PIP4K2A: variants seen among roughly 807,000 people sequenced by gnomAD.
PIP4K2A encodes the protein phosphatidylinositol 5-phosphate 4-kinase type-2 alpha.
Under a neutral mutation model 42.9 loss-of-function variants are expected in PIP4K2A, and 14 were observed. The ratio of observed to expected loss-of-function variants is 0.33; its 90% CI spans 0.22 to 0.51. The LOEUF (loss-of-function observed/expected upper bound fraction) is 0.51. PIP4K2A is among the 20% of genes least tolerant of loss of function. PIP4K2A has a pLI of 0.97. For synonymous variants in PIP4K2A, 192 were observed against 192.2 expected, an observed-to-expected ratio of 1.00 and a Z score of 0.01; for missense variants, 434 against 519.8, an observed-to-expected ratio of 0.83 and a Z score of 1.61.
intron 9 of PIP4K2A, chr10:22,539,694 G>T: frequency 2.8e-6 from 1 of 361,030 alleles, no homozygotes; most frequent in Non-Finnish European, 5.0e-6. Context: ...AAGTGACTTC[G>T]CTGGAAGCCA....
chr10:22,679,529 T>C (rs1321637732), intron 1 of PIP4K2A, among the ~76,000 whole-genome samples: 2 of 152,192 alleles, frequency 1.3e-5, no homozygotes, highest in Non-Finnish European at 2.9e-5. Flanking sequence ...AGAGGTACCA[T>C]ATAACCCAAC....
chr10:22,711,783 A>G (rs930516277), intron 1 of PIP4K2A, among the ~76,000 whole-genome samples: 1 of 152,232 alleles, frequency 6.6e-6, no homozygotes, highest in African/African-American at 2.4e-5. Flanking sequence ...CATTTATCTA[A>G]TATCAGACAT....
chr10:22,575,648 C>G (rs986136038), intron 4 of PIP4K2A, among the ~76,000 whole-genome samples: 3 of 152,122 alleles, frequency 2.0e-5, no homozygotes, highest in African/African-American at 7.2e-5. Flanking sequence ...CAGATCAAAT[C>G]TGTCTACTTT....
chr10:22,544,523 C>A (rs1251118653), intron 7 of PIP4K2A, among the ~76,000 whole-genome samples: 6 of 152,192 alleles, frequency 3.9e-5, no homozygotes, highest in Non-Finnish European at 8.8e-5. Flanking sequence ...TGGAGCCAGG[C>A]CAGGCCCTGC....
rs181165963 is a variant in PIP4K2A at position 22,594,284 on chromosome 10, C to T, written c.340-2503G>A. Among the ~76,000 whole-genome samples, 264 of 152,254 alleles carry T rather than the reference C, an allele frequency of 1.7e-3. 1 individual carries two copies. Among genetic ancestry groups the T allele is most frequent in the Non-Finnish European group, 3.1e-3 (211 of 68,028 alleles). ...CATTATATTCTCTACACCTCTAGTTCGATTAAAATGGGAAACTTTATAGTT... is the reference window on the plus strand; with the variant it reads ...CATTATATTCTCTACACCTCTAGTTTGATTAAAATGGGAAACTTTATAGTT... On this transcript the variant is annotated intron_variant, in intron 3 of 9. Transcript: ENST00000376573.
At chr10:22,662,840 A>G (rs976053239) in intron 1 of PIP4K2A, among the ~76,000 whole-genome samples, 1 of 152,240 alleles carries the variant, frequency 6.6e-6, no homozygotes, top group African/African-American at 2.4e-5. Flanking sequence ...AAAATCTGAT[A>G]ATGTAGCCAA....
At chr10:22,581,664 ACTTCC>A (rs1231144330) in intron 4 of PIP4K2A, among the ~76,000 whole-genome samples, 1 of 151,012 alleles carries the variant, frequency 6.6e-6, no homozygotes, top group African/African-American at 2.4e-5. Context: ...TGCTCTTGTC[ACTTCC>A]CTTCATTACT....
chr10:22,602,254 A>G (rs371495013), intron 3 of PIP4K2A, among the ~76,000 whole-genome samples: 1 of 151,822 alleles, frequency 6.6e-6, no homozygotes, highest in East Asian at 1.9e-4. Flanking sequence ...TTAGCTGGGC[A>G]TAGTGGCACA....
intron 1 of PIP4K2A, among the ~76,000 whole-genome samples, chr10:22,625,442 A>G (rs1304539447): frequency 6.6e-6 from 1 of 152,238 alleles, no homozygotes; most frequent in Non-Finnish European, 1.5e-5. Flanking sequence ...TAATGTATAC[A>G]TCACAATACA....
rs144733624 is a variant in PIP4K2A at position 22,706,479 on chromosome 10, A to T, written c.144+7704T>A. Reference sequence around the variant, plus strand: ...CTTCTCCCAAACTGCCTCATGTCTAAGCCCTTCACCGACGTCATGCCTTTG... The same window carrying T: ...CTTCTCCCAAACTGCCTCATGTCTATGCCCTTCACCGACGTCATGCCTTTG... On this transcript the variant is annotated intron_variant, in intron 1 of 9. Transcript: ENST00000376573. 3.3e-5 allele frequency among the ~76,000 whole-genome samples: 5 copies of T among 152,340 alleles called. No homozygotes were observed. In the East Asian group the frequency reaches 9.6e-4, roughly 29 times the overall value.
At chr10:22,638,666 G>A (rs1218935416) in intron 1 of PIP4K2A, among the ~76,000 whole-genome samples, 1 of 152,028 alleles carries the variant, frequency 6.6e-6, no homozygotes, top group Non-Finnish European at 1.5e-5. Context: ...TTTGAAGGGG[G>A]AGGGAAAAAA....
intron 1 of PIP4K2A, among the ~76,000 whole-genome samples, chr10:22,696,418 G>A (rs1006314699): frequency 2.0e-5 from 3 of 152,122 alleles, no homozygotes; most frequent in Non-Finnish European, 4.4e-5. Flanking sequence ...AAATTGAAAT[G>A]AATCCTTAAA....
At chr10:22,582,108 G>GA (rs56798349) in intron 4 of PIP4K2A, among the ~76,000 whole-genome samples, 8,401 of 139,906 alleles carry the variant, frequency 0.06, 771 homozygotes, top group African/African-American at 0.2. Flanking sequence ...TCTCAAAAAA[G>GA]AAAAAAAAAA....
At chr10:22,646,919 G>GACAAAACAAAACAAAAAACAAAACAAA (rs1838896652) in intron 1 of PIP4K2A, among the ~76,000 whole-genome samples, 1 of 151,088 alleles carries the variant, frequency 6.6e-6, no homozygotes, top group Non-Finnish European at 1.5e-5. Context: ...AACTCTTCAA[G>GACAAAACAAAACAAAAAACAAAACAAA]ACAAAACAAA....
chr10:22,714,363 G>A lies in PIP4K2A; in HGVS notation c.-37C>T. 6.7e-7 allele frequency: 1 copy of A among 1,494,050 alleles called. No homozygotes were observed. The highest frequency in any genetic ancestry group is 9.0e-7 in the Non-Finnish European group (1 of 1,115,814). 92.5% of individuals were successfully genotyped at this position (1,494,050 alleles called of 1,614,324 possible). A position where few individuals can be genotyped will look rare whatever the true frequency, so the allele number is the denominator to read the frequency against. On this transcript the variant is annotated 5_prime_UTR_variant, in exon 1 of 10. Transcript: ENST00000376573. ...ATGTCCCCTCCACCGCCGTGCTCCCGAGGCCGGGGACCCGCCCTCTCTACA... is the reference window on the plus strand; with the variant it reads ...ATGTCCCCTCCACCGCCGTGCTCCCAAGGCCGGGGACCCGCCCTCTCTACA...
intron 6 of PIP4K2A, chr10:22,567,417 C>T: frequency 2.8e-6 from 1 of 353,390 alleles, no homozygotes; most frequent in South Asian, 2.3e-5. Context: ...TCCAAGCCAA[C>T]ATACTACAGG....
chr10:22,615,739 A>G lies in PIP4K2A; in HGVS notation c.145-6022T>C, dbSNP rs143282640. On this transcript the variant is annotated intron_variant, in intron 1 of 9. Transcript: ENST00000376573. ...AATATTCAATAAAATTCTCACAGCA[A>G]AAGAGCAATATCACTTTACACTTAA... Among the ~76,000 whole-genome samples, 301 of 152,334 alleles carry G rather than the reference A, an allele frequency of 2.0e-3. 1 individual carries two copies. The highest frequency in any genetic ancestry group is 6.9e-3 in the African/African-American group (285 of 41,568).
intron 1 of PIP4K2A, among the ~76,000 whole-genome samples, chr10:22,619,113 T>G (rs993165150): frequency 6.6e-6 from 1 of 152,162 alleles, no homozygotes; most frequent in African/African-American, 2.4e-5. Context: ...CAGCTCTCAT[T>G]TGGAAATAAT....
chr10:22,614,713 C>A (rs185831545), intron 1 of PIP4K2A, among the ~76,000 whole-genome samples: 16 of 152,294 alleles, frequency 1.1e-4, no homozygotes, highest in Admixed American at 1.0e-3. Context: ...AGCGATCATT[C>A]GTCAGTTTTA....
Sources: allele counts gnomAD v4.1 joint callset (sites outside exome capture counted in the v4.1 genomes callset), GRCh38; gene constraint gnomAD v4.1.1; transcripts MANE v1.5; gene names NCBI Gene and HGNC (gene_info 2026-07-23, HGNC 2026-07-21).